Variants in IFI27L1 observed in about 807,000 individuals in gnomAD.
IFI27L1 encodes the protein interferon alpha-inducible protein 27-like protein 1.
A neutral mutation model predicts 9.2 loss-of-function variants in IFI27L1; 3 were observed. The ratio of observed to expected loss-of-function variants is 0.32; its 90% CI spans 0.15 to 0.84. The LOEUF (loss-of-function observed/expected upper bound fraction) is 0.84. Ranked by LOEUF, IFI27L1 falls within the 40% of genes least tolerant of loss-of-function variation. The pLI is 0.56. For synonymous variants in IFI27L1, 53 were observed against 50.0 expected (o/e 1.06, Z -0.26); for missense variants, 133 against 134.2 (o/e 0.99, Z 0.05).
At chr14:94,097,417 C>G in intron 2 of IFI27L1, 1 of 581,282 alleles carries the variant, frequency 1.7e-6, no homozygotes, top group South Asian at 2.2e-5. Context: ...CTGAGAGCCC[C>G]TCCTTGGTGG....
chr14:94,090,412 CTGGCCTGATTATT>C (rs1029059323), intron 1 of IFI27L1, among the ~76,000 whole-genome samples: 1 of 152,146 alleles, frequency 6.6e-6, no homozygotes, highest in African/African-American at 2.4e-5. Context: ...TTTATTATAC[CTGGCCTGATTATT>C]TGTATAAAGT....
At chr14:94,084,449 C>T (rs780785251) in intron 1 of IFI27L1, among the ~76,000 whole-genome samples, 3 of 152,128 alleles carry the variant, frequency 2.0e-5, no homozygotes, top group Non-Finnish European at 2.9e-5. Flanking sequence ...CTGCAGTGAG[C>T]CATGTTCATG....
intron 1 of IFI27L1, among the ~76,000 whole-genome samples, chr14:94,087,975 A>C (rs1400570881): frequency 6.6e-6 from 1 of 152,316 alleles, no homozygotes; most frequent in African/African-American, 2.4e-5. Flanking sequence ...TCCTTTCCTC[A>C]TGCAAACACT....
intron 1 of IFI27L1, among the ~76,000 whole-genome samples, chr14:94,094,180 A>C (rs1406361009): frequency 2.0e-5 from 3 of 152,100 alleles, no homozygotes; most frequent in Non-Finnish European, 2.9e-5. Flanking sequence ...CCTCTCAGTA[A>C]AGTCTCTCTT....
intron 4 of IFI27L1, 131 bp downstream of exon 4, chr14:94,102,106 C>T: frequency 1.1e-6 from 1 of 951,896 alleles, no homozygotes; most frequent in Non-Finnish European, 1.6e-6. Flanking sequence ...CTGTCACTGT[C>T]CCCTCTTCTG....
At chr14:94,081,833 T>C (rs1037797529) in intron 1 of IFI27L1, among the ~76,000 whole-genome samples, 1 of 152,200 alleles carries the variant, frequency 6.6e-6, no homozygotes, top group Non-Finnish European at 1.5e-5. Flanking sequence ...CGTTCTTCCT[T>C]CTCTCTCCCT....
intron 4 of IFI27L1, 133 bp downstream of exon 4, chr14:94,102,108 C>T: frequency 2.1e-6 from 2 of 942,710 alleles, no homozygotes; most frequent in Non-Finnish European, 1.6e-6. Context: ...GTCACTGTCC[C>T]CTCTTCTGGT....
At chr14:94,085,204 A>G (rs1387338938) in intron 1 of IFI27L1, among the ~76,000 whole-genome samples, 2 of 152,212 alleles carry the variant, frequency 1.3e-5, no homozygotes, top group Non-Finnish European at 2.9e-5. Flanking sequence ...TTGAGCTCAT[A>G]TATTTCCCAG....
intron 1 of IFI27L1, among the ~76,000 whole-genome samples, chr14:94,081,908 A>G (rs974838022): frequency 2.6e-5 from 4 of 152,190 alleles, no homozygotes; most frequent in Non-Finnish European, 5.9e-5. Context: ...TAACCCTACA[A>G]TGGGCCTCTA....
chr14:94,101,974 G>C lies in IFI27L1; in HGVS notation c.222G>C (p.Val74=). The part of the protein sequence containing the change: ...AGSLVAILQS[V]GAAGLSVTSK... ...GTCTGGTGGCTATTCTGCAGTCAGT[G>C]GGTGAGTGTTCTGGACAGGATGACC... The change falls in exon 4 of 5, where the codon GTG becomes GTC. Residue 74 remains valine, a splice_region_variant and synonymous_variant. Transcript: ENST00000555523. 1.2e-6 allele frequency: 2 copies of C among 1,614,228 alleles called. No individual in the cohort carries two copies. The highest frequency in any genetic ancestry group is 1.7e-6 in the Non-Finnish European group (2 of 1,180,030).
intron 3 of IFI27L1, chr14:94,101,333 A>G (rs1886887142): frequency 4.7e-6 from 1 of 214,942 alleles, no homozygotes. Context: ...GTGATTGCAG[A>G]TGGCTCTCTG....
rs79799820 is a variant in IFI27L1 at position 94,095,702 on chromosome 14, A to G, written c.-51-1185A>G. ...TAAACAACCAGCTCTTGCATGAACAAACAGAGTGCGAATTTGTTCATTACC... is the reference window on the plus strand; with the variant it reads ...TAAACAACCAGCTCTTGCATGAACAGACAGAGTGCGAATTTGTTCATTACC... On this transcript the variant is annotated intron_variant, in intron 1 of 4. Transcript: ENST00000555523. 3.9e-3 allele frequency among the ~76,000 whole-genome samples: 601 copies of G among 152,258 alleles called. 2 individuals are homozygous for G. The highest frequency in any genetic ancestry group is 6.8e-3 in the Middle Eastern group (2 of 294).
chr14:94,102,359 A>G, intron 4 of IFI27L1, 118 bp from the exon 5 acceptor site: 1 of 618,582 alleles, frequency 1.6e-6, no homozygotes, highest in Non-Finnish European at 2.8e-6. Context: ...GGTGGGGAAC[A>G]GGGTTGGACT....
At chr14:94,093,467 G>A (rs1323784434) in intron 1 of IFI27L1, among the ~76,000 whole-genome samples, 1 of 152,046 alleles carries the variant, frequency 6.6e-6, no homozygotes, top group Non-Finnish European at 1.5e-5. Context: ...CACAACGCCC[G>A]GCCCTGACTG....
intron 3 of IFI27L1, chr14:94,101,061 C>G: frequency 1.7e-6 from 1 of 576,272 alleles, no homozygotes; most frequent in East Asian, 2.8e-5. Context: ...GGATTCCTCC[C>G]CGTCTAAAGC....
intron 1 of IFI27L1, among the ~76,000 whole-genome samples, chr14:94,092,279 T>C (rs7494638): frequency 0.29 from 43,917 of 151,690 alleles, 6,675 homozygotes; most frequent in East Asian, 0.5. Flanking sequence ...TTTGGGAGGC[T>C]GAGGTGGGCG....
At chr14:94,097,687 G>A (rs1327240250) in intron 2 of IFI27L1, 8 of 702,224 alleles carry the variant, frequency 1.1e-5, no homozygotes, top group Non-Finnish European at 1.8e-5. Context: ...AGGTGAATAA[G>A]CATTCACGGA....
At chr14:94,092,373 G>A (rs1177932479) in intron 1 of IFI27L1, among the ~76,000 whole-genome samples, 1 of 151,246 alleles carries the variant, frequency 6.6e-6, no homozygotes, top group Non-Finnish European at 1.5e-5. Flanking sequence ...TTAGCCAGCT[G>A]GGTGGTGCGC....
At chr14:94,098,294 G>A (rs144047121) in intron 2 of IFI27L1, among the ~76,000 whole-genome samples, 70 of 152,286 alleles carry the variant, frequency 4.6e-4, no homozygotes, top group African/African-American at 1.7e-3. Context: ...CTAGTTTCTG[G>A]TGGCTGCTGT....
Sources: gnomAD v4.1 joint callset for allele counts (sites outside exome capture counted in the v4.1 genomes callset) on GRCh38, gnomAD v4.1.1 for gene constraint, MANE v1.5 for transcripts, NCBI Gene and HGNC (gene_info 2026-07-23, HGNC 2026-07-21) for gene names.